Variants in RAB3C observed in about 807,000 individuals in gnomAD.
RAB3C encodes the protein ras-related protein Rab-3C.
RAB3C carries 17 observed loss-of-function variants against 26.4 expected under a neutral mutation model. The ratio of observed to expected loss-of-function variants is 0.64; its 90% CI spans 0.44 to 0.97. The LOEUF (loss-of-function observed/expected upper bound fraction) is 0.97, where lower values mean the gene tolerates loss of function less well. RAB3C is among the 50% of genes least tolerant of loss of function. RAB3C has a pLI of 0.00. For synonymous variants in RAB3C, 91 were observed against 95.9 expected (o/e 0.95, Z 0.30); for missense variants, 242 against 281.9 (o/e 0.86, Z 1.01).
At chr5:58,671,205 C>T (rs115056934) in intron 2 of RAB3C, among the ~76,000 whole-genome samples, 409 of 152,192 alleles carry the variant, frequency 2.7e-3, no homozygotes, top group Non-Finnish European at 4.3e-3. Context: ...CAATACCAGG[C>T]ACTGATCAAA....
intron 3 of RAB3C, among the ~76,000 whole-genome samples, chr5:58,754,344 C>A (rs576361450): frequency 7.4e-6 from 1 of 134,860 alleles, no homozygotes; most frequent in South Asian, 2.6e-4. Flanking sequence ...CGGAAGGGCA[C>A]GCTCCTTACT....
chr5:58,583,143 G>A lies in RAB3C; in HGVS notation c.-66G>A, dbSNP rs1745938692. The A allele has an allele frequency of 2.5e-6, 4 of 1,612,558 alleles. No homozygotes were observed. In the South Asian group the frequency reaches 4.4e-5, roughly 18 times the overall value. Reference sequence around the variant, plus strand: ...GTGTGGAGCGTGGAGCGCCGGGACTGTGCACGCTTGACCGGAAGCCCAGAC... The same window carrying A: ...GTGTGGAGCGTGGAGCGCCGGGACTATGCACGCTTGACCGGAAGCCCAGAC... On this transcript the variant is annotated 5_prime_UTR_variant, in exon 1 of 5. It adds an upstream start codon to the 5' untranslated region. Transcript: ENST00000282878.
intron 1 of RAB3C, 82 bp downstream of exon 1, chr5:58,583,314 G>GT: frequency 6.3e-7 from 1 of 1,599,200 alleles, no homozygotes; most frequent in Non-Finnish European, 8.5e-7. Context: ...GCAGTTCAAC[G>GT]TAAGGAAAGG....
chr5:58,653,702 CA>C (rs1747705963), intron 2 of RAB3C, among the ~76,000 whole-genome samples: 1 of 152,076 alleles, frequency 6.6e-6, no homozygotes, highest in Non-Finnish European at 1.5e-5. Context: ...TCTATTTTCA[CA>C]ATATTGTGAT....
intron 3 of RAB3C, among the ~76,000 whole-genome samples, chr5:58,728,056 C>T (rs1740928462): frequency 6.6e-6 from 1 of 151,970 alleles, no homozygotes; most frequent in Non-Finnish European, 1.5e-5. Context: ...CCTCAATCTG[C>T]TACTCCATCT....
chr5:58,786,824 T>C (rs1361304996), intron 3 of RAB3C, among the ~76,000 whole-genome samples: 1 of 151,938 alleles, frequency 6.6e-6, no homozygotes, highest in African/African-American at 2.4e-5. Flanking sequence ...AAGTTTCTTT[T>C]ATACGCCCCC....
intron 3 of RAB3C, among the ~76,000 whole-genome samples, chr5:58,759,309 T>C (rs1029270715): frequency 6.6e-6 from 1 of 152,118 alleles, no homozygotes; most frequent in African/African-American, 2.4e-5. Flanking sequence ...AGCTGATACT[T>C]AAAGAGAAAT....
At chr5:58,618,008 T>C in intron 2 of RAB3C, 138 bp downstream of exon 2, 1 of 619,926 alleles carries the variant, frequency 1.6e-6, no homozygotes. Flanking sequence ...TGCAGAACAT[T>C]CTGTTTCAAA....
intron 3 of RAB3C, among the ~76,000 whole-genome samples, chr5:58,815,283 T>C (rs1743192095): frequency 6.6e-6 from 1 of 152,152 alleles, no homozygotes; most frequent in African/African-American, 2.4e-5. Flanking sequence ...CACAAAGTAG[T>C]TGAGCTATCT....
chr5:58,596,294 G>C (rs1187359322), intron 1 of RAB3C, among the ~76,000 whole-genome samples: 1 of 151,650 alleles, frequency 6.6e-6, no homozygotes, highest in Non-Finnish European at 1.5e-5. Flanking sequence ...AGCAGGCTTA[G>C]GATTCTGCTT....
At chr5:58,800,312 C>T (rs533730752) in intron 3 of RAB3C, among the ~76,000 whole-genome samples, 1 of 152,342 alleles carries the variant, frequency 6.6e-6, no homozygotes, top group South Asian at 2.1e-4. Context: ...AAATTGCTGA[C>T]AACAGCCAGA....
chr5:58,676,435 A>T (rs1310302226), intron 2 of RAB3C, among the ~76,000 whole-genome samples: 1 of 152,092 alleles, frequency 6.6e-6, no homozygotes, highest in East Asian at 1.9e-4. Context: ...CCTGGGAGGC[A>T]GAGGTTGCAG....
At chr5:58,808,282 G>C (rs1041719077) in intron 3 of RAB3C, among the ~76,000 whole-genome samples, 2 of 150,730 alleles carry the variant, frequency 1.3e-5, no homozygotes, top group African/African-American at 2.4e-5. Context: ...CAAATGATTT[G>C]TGAAATGACA....
At position 58,591,586 on chromosome 5, in the gene RAB3C, G is replaced by A. The variant is rs917137049; in HGVS notation, c.24+8354G>A. Among the ~76,000 whole-genome samples the A allele has an allele frequency of 2.6e-4, 13 of 49,576 alleles. 1 individual carries two copies. The East Asian group carries it at 3.4e-3, about 13-fold the overall frequency. The allele number at this position is 49,576 out of a possible 152,430, so 32.5% of individuals were successfully genotyped here. On this transcript the variant is annotated intron_variant, in intron 1 of 4. Coordinates refer to ENST00000282878, the MANE Select transcript of RAB3C (RefSeq NM_138453.4). ...TTGCCTTCTTAATAGTATTTTCATA[G>A]TATATATATATATATATATATAATT...
At chr5:58,727,416 A>G (rs1740917219) in intron 3 of RAB3C, among the ~76,000 whole-genome samples, 1 of 152,056 alleles carries the variant, frequency 6.6e-6, no homozygotes, top group African/African-American at 2.4e-5. Flanking sequence ...TGAGGAATTC[A>G]GAAGAAAGCT....
chr5:58,825,287 C>T (rs955094089), intron 4 of RAB3C, 125 bp downstream of exon 4: 32 of 1,000,790 alleles, frequency 3.2e-5, no homozygotes, highest in Middle Eastern at 2.5e-4. Context: ...GAGTGGAAAG[C>T]AACATAATCC....
chr5:58,810,897 C>G (rs1371300544), intron 3 of RAB3C, among the ~76,000 whole-genome samples: 5 of 152,138 alleles, frequency 3.3e-5, no homozygotes, highest in Admixed American at 6.5e-5. Flanking sequence ...GTGCCCAGCC[C>G]CTTATTCACT....
At chr5:58,754,296 C>T (rs923726748) in intron 3 of RAB3C, among the ~76,000 whole-genome samples, 1 of 152,056 alleles carries the variant, frequency 6.6e-6, no homozygotes, top group African/African-American at 2.4e-5. Flanking sequence ...ATGTATGTAA[C>T]CAAAACAATA....
chr5:58,750,652 C>T lies in RAB3C; in HGVS notation c.371+24532C>T, dbSNP rs116688002. On this transcript the variant is annotated intron_variant, in intron 3 of 4. Transcript: ENST00000282878. ...AAACTATTGAGTATAAGATTTCACTCTAGATTCTTTCTATATATGTAGAAA... is the reference window on the plus strand; with the variant it reads ...AAACTATTGAGTATAAGATTTCACTTTAGATTCTTTCTATATATGTAGAAA... Among the ~76,000 whole-genome samples the T allele has an allele frequency of 6.0e-3, 908 of 152,300 alleles. 14 individuals carry two copies. Among genetic ancestry groups the T allele is most frequent in the African/African-American group, 0.02 (843 of 41,558 alleles).
Sources: allele counts gnomAD v4.1 joint callset (sites outside exome capture counted in the v4.1 genomes callset), GRCh38; gene constraint gnomAD v4.1.1; transcripts MANE v1.5; gene names NCBI Gene and HGNC (gene_info 2026-07-23, HGNC 2026-07-21).